The following NRP1 variants were observed in gnomAD, a reference collection of about 807,000 sequenced individuals.
The protein encoded by NRP1 is neuropilin-1.
Under a neutral mutation model 106.7 loss-of-function variants are expected in NRP1, and 35 were observed. The observed-to-expected ratio is 0.33, with a 90% CI of 0.25 to 0.43. The LOEUF (loss-of-function observed/expected upper bound fraction) is 0.43. NRP1 is among the 20% of genes least tolerant of loss of function. NRP1 has a pLI of 1.00. For missense variants in NRP1, 1,024 were observed against 1,170.4 expected (o/e 0.87, Z 1.83); for synonymous variants, 437 against 417.9 (o/e 1.05, Z -0.56).
chr10:33,263,806 T>C lies in NRP1; in HGVS notation c.498A>G (p.Lys166=). Residue 166 remains lysine, a synonymous_variant, in exon 4 of 17, where the codon AAA becomes AAG. Coordinates refer to ENST00000374867, the MANE Select transcript of NRP1 (RefSeq NM_003873.7). ...GVIKSPGFPE[K]YPNSLECTYI... ...AAGTGCATTCAAGGCTGTTGGGATA[T>C]TTTTCAGGGAATCCGGGGGACTTTA... 6.2e-7 allele frequency: 1 copy of C among 1,613,650 alleles called. No homozygotes were observed. Among genetic ancestry groups the C allele is most frequent in the Non-Finnish European group, 8.5e-7 (1 of 1,179,556 alleles).
intron 6 of NRP1, among the ~76,000 whole-genome samples, chr10:33,244,996 T>C (rs1053978647): frequency 6.6e-6 from 1 of 152,202 alleles, no homozygotes; most frequent in African/African-American, 2.4e-5. Flanking sequence ...ACAGTTCACT[T>C]TTAAAAGCTA....
intron 3 of NRP1, among the ~76,000 whole-genome samples, chr10:33,265,930 G>GA (rs1288501095): frequency 1.3e-5 from 2 of 152,062 alleles, no homozygotes; most frequent in Non-Finnish European, 2.9e-5. Context: ...TATCCACAAA[G>GA]AAAAAATATA....
intron 6 of NRP1, among the ~76,000 whole-genome samples, chr10:33,234,810 G>C (rs1840433327): frequency 6.6e-6 from 1 of 152,166 alleles, no homozygotes; most frequent in Admixed American, 6.6e-5. Context: ...TTTGCTCATA[G>C]TAAAACAGTC....
chr10:33,178,808 A>T lies in NRP1; in HGVS notation c.*1268T>A, dbSNP rs1313832175. ...TCATTTTGAATAGAATAGATAAGGA[A>T]AAAAGATACTGTCACTTTAACCAGT... On this transcript the variant is annotated 3_prime_UTR_variant, in exon 17 of 17. Coordinates refer to ENST00000374867, the MANE Select transcript of NRP1 (RefSeq NM_003873.7). 2.0e-5 allele frequency: 3 copies of T among 152,700 alleles called. No homozygotes were observed. Among genetic ancestry groups the T allele is most frequent in the Non-Finnish European group, 4.4e-5 (3 of 68,046 alleles). 9.5% of individuals were successfully genotyped at this position (152,700 alleles called of 1,614,324 possible). A position where few individuals can be genotyped will look rare whatever the true frequency, so the allele number is the denominator to read the frequency against.
intron 2 of NRP1, among the ~76,000 whole-genome samples, chr10:33,305,575 C>T (rs1846091540): frequency 1.3e-5 from 2 of 152,126 alleles, no homozygotes; most frequent in Admixed American, 6.5e-5. Flanking sequence ...GACCCACTCA[C>T]TGGGCAAGTC....
chr10:33,248,946 G>A (rs1841627466), intron 6 of NRP1, among the ~76,000 whole-genome samples: 1 of 152,112 alleles, frequency 6.6e-6, no homozygotes, highest in African/African-American at 2.4e-5. Flanking sequence ...CCCCAAATTT[G>A]GAGAAGAGTA....
intron 15 of NRP1, 85 bp from the exon 16 acceptor site, chr10:33,182,833 G>GCGCACACACACACC: frequency 1.3e-6 from 1 of 746,334 alleles, no homozygotes. Context: ...TTAGGTACAT[G>GCGCACACACACACC]CACACACACA....
rs7079053 is a variant in NRP1, at chr10:33,263,768, A to G, written c.536T>C (p.Val179Ala). 1,613,291 of 1,613,850 alleles carry G rather than the reference A, an allele frequency of 1. 806,366 individuals are homozygous for G. Among genetic ancestry groups the G allele is most frequent in the Middle Eastern group, 1 (6,060 of 6,060 alleles). Residue 179 changes from valine (V) to alanine (A), a missense_variant, in exon 4 of 17, where the codon GTG (valine) becomes GCG (alanine). Val to Ala is a moderately conservative substitution (Grantham distance 64). Coordinates refer to ENST00000374867, the MANE Select transcript of NRP1 (RefSeq NM_003873.7). ...NSLECTYIVF[V>A]PKMSEIILEF... ...CAGGATAATCTCTGACATCTTTGGC[A>G]CAAAGACAATATAAGTGCATTCAAG...
intron 2 of NRP1, among the ~76,000 whole-genome samples, chr10:33,303,566 G>C (rs1564471134): frequency 1.3e-5 from 2 of 152,144 alleles, no homozygotes; most frequent in East Asian, 3.8e-4. Context: ...AATGACCTGG[G>C]CCTTACTTCA....
intron 2 of NRP1, among the ~76,000 whole-genome samples, chr10:33,325,714 G>A (rs1189439402): frequency 1.3e-5 from 2 of 152,110 alleles, no homozygotes; most frequent in East Asian, 1.9e-4. Context: ...ATTCTGAAAC[G>A]AATATCATCT....
chr10:33,259,530 C>A (rs1479476415), intron 4 of NRP1, among the ~76,000 whole-genome samples: 2 of 151,762 alleles, frequency 1.3e-5, no homozygotes, highest in Non-Finnish European at 2.9e-5. Context: ...ACCGAAGCGC[C>A]GAGGAGATGA....
chr10:33,214,053 A>G (rs1838549879), intron 8 of NRP1, among the ~76,000 whole-genome samples: 1 of 152,174 alleles, frequency 6.6e-6, no homozygotes, highest in Admixed American at 6.5e-5. Flanking sequence ...TGCTTAAGAG[A>G]AGTTCATAGT....
intron 2 of NRP1, among the ~76,000 whole-genome samples, chr10:33,281,661 G>T (rs2150685): frequency 2.6e-5 from 4 of 152,108 alleles, no homozygotes; most frequent in Non-Finnish European, 4.4e-5. Context: ...GCCCTGGATA[G>T]GTCACTAACT....
At chr10:33,242,931 T>C (rs1217018567) in intron 6 of NRP1, among the ~76,000 whole-genome samples, 1 of 152,176 alleles carries the variant, frequency 6.6e-6, no homozygotes, top group Non-Finnish European at 1.5e-5. Context: ...CTACTCAGAA[T>C]GGAACATGGT....
intron 13 of NRP1, 116 bp downstream of exon 13, chr10:33,192,165 C>T: frequency 9.3e-7 from 1 of 1,075,774 alleles, no homozygotes. Context: ...ATGTGAACGC[C>T]TGTAGTAATT....
intron 13 of NRP1, among the ~76,000 whole-genome samples, chr10:33,186,738 G>C (rs1373873785): frequency 6.6e-6 from 1 of 152,208 alleles, no homozygotes; most frequent in Non-Finnish European, 1.5e-5. Context: ...ACTTATAATG[G>C]AATGCATTTT....
chr10:33,223,996 G>A (rs138151864), intron 7 of NRP1, among the ~76,000 whole-genome samples: 2,069 of 152,304 alleles, frequency 0.014, 49 homozygotes, highest in African/African-American at 0.048. Flanking sequence ...AACATGAAGA[G>A]GGTTGCTGGA....
rs12268149 is a variant in NRP1 at position 33,330,713 on chromosome 10, G to A, written c.243C>T (p.Asp81=). 1.4e-3 allele frequency: 2,254 copies of A among 1,611,386 alleles called. 30 individuals are homozygous for A. The African/African-American group carries it at 0.028, about 20-fold the overall frequency. Residue 81 remains aspartate, a synonymous_variant, in exon 2 of 17, where the codon GAC becomes GAT. Transcript: ENST00000374867. ...TCAAAAACATTCCCACTTACTTGCA[G>A]TCTCTGTCCTCCAAATCGAAGTGAG... The part of the protein sequence containing the change: ...FNPHFDLEDR[D]CKYDYVEVFD...
At chr10:33,193,170 G>C (rs1836534614) in intron 12 of NRP1, among the ~76,000 whole-genome samples, 1 of 151,876 alleles carries the variant, frequency 6.6e-6, no homozygotes, top group Non-Finnish European at 1.5e-5. Flanking sequence ...GGCTTCCTTA[G>C]GAATCTGAAA....
Sources: allele counts gnomAD v4.1 joint callset (sites outside exome capture counted in the v4.1 genomes callset), GRCh38; gene constraint gnomAD v4.1.1; transcripts MANE v1.5; gene names NCBI Gene and HGNC (gene_info 2026-07-23, HGNC 2026-07-21).